DYSF: variants seen among roughly 807,000 people sequenced by gnomAD.
The protein encoded by DYSF is dysferlin, also known as dystrophy-associated fer-1-like 1.
In DYSF, 212 loss-of-function variants were observed where a neutral mutation model predicts 274.9. That is an observed-to-expected ratio of 0.77 (90% CI 0.69 to 0.86). The LOEUF is 0.86. DYSF is among the 40% of genes least tolerant of loss of function. The pLI is 0.00. For synonymous variants in DYSF, 1,091 were observed against 1,078.7 expected, an observed-to-expected ratio of 1.01 and a Z score of -0.22; for missense variants, 2,666 against 2,783.2, an observed-to-expected ratio of 0.96 and a Z score of 0.95.
chr2:71,660,576 A>G lies in DYSF; in HGVS notation c.4928A>G (p.Lys1643Arg), dbSNP rs1328232962. 6.8e-6 allele frequency: 11 copies of G among 1,613,986 alleles called. No individual in the cohort carries two copies. The highest frequency in any genetic ancestry group is 2.2e-5 in the East Asian group (1 of 44,898). Residue 1643 changes from lysine to arginine, a missense_variant, in exon 45 of 56, where the codon AAG becomes AGG. By Grantham distance (26) the Lys-to-Arg change is conservative. Around this residue, in one of 3 missense-constraint regions of DYSF, gnomAD observed 1,460 missense variants for 1,502.1 expected, o/e 0.97. Transcript: ENST00000410020. The part of the protein sequence containing the change: ...DPNGKCDPYI[K>R]ISIGKKSVSD... Reference sequence around the variant, plus strand: ...CTCCTCCAGTGTGATCCTTACATCAAGATCTCCATAGGGAAGAAATCAGTG... The same window carrying G: ...CTCCTCCAGTGTGATCCTTACATCAGGATCTCCATAGGGAAGAAATCAGTG...
chr2:71,637,677 G>A (rs934623904), intron 41 of DYSF, among the ~76,000 whole-genome samples: 1 of 152,196 alleles, frequency 6.6e-6, no homozygotes, highest in African/African-American at 2.4e-5. Flanking sequence ...GTGAAGTGGA[G>A]AAGAGCTGGA....
intron 30 of DYSF, among the ~76,000 whole-genome samples, chr2:71,583,326 C>G (rs2092958197): frequency 6.6e-6 from 1 of 152,192 alleles, no homozygotes; most frequent in African/African-American, 2.4e-5. Context: ...AACAGCCCTG[C>G]CACAGGTGCT....
chr2:71,640,769 G>GTT (rs2094474051), intron 41 of DYSF, among the ~76,000 whole-genome samples: 1 of 149,148 alleles, frequency 6.7e-6, no homozygotes, highest in Non-Finnish European at 1.5e-5. Context: ...GTGTGTGTGT[G>GTT]TTGCTTCGTC....
intron 14 of DYSF, among the ~76,000 whole-genome samples, chr2:71,532,191 G>A (rs555289219): frequency 6.2e-4 from 95 of 152,150 alleles, no homozygotes; most frequent in African/African-American, 2.2e-3. Context: ...CTATTTTTTG[G>A]ACATATATAA....
intron 36 of DYSF, 72 bp from the exon 37 acceptor site, chr2:71,611,172 GT>G: frequency 8.9e-7 from 1 of 1,118,036 alleles, no homozygotes; most frequent in Non-Finnish European, 1.4e-6. Flanking sequence ...TGTCCTATCT[GT>G]CCTTCTCTCT....
At chr2:71,587,851 G>A (rs2093124244) in intron 30 of DYSF, among the ~76,000 whole-genome samples, 1 of 152,200 alleles carries the variant, frequency 6.6e-6, no homozygotes, top group Non-Finnish European at 1.5e-5. Flanking sequence ...GGAAGTCAGA[G>A]CCCACCCAGG....
intron 40 of DYSF, among the ~76,000 whole-genome samples, chr2:71,616,782 A>T (rs972483219): frequency 1.3e-5 from 2 of 152,194 alleles, no homozygotes; most frequent in Admixed American, 6.5e-5. Context: ...CAAACACACA[A>T]TTTGAATGCA....
upstream of DYSF, among the ~76,000 whole-genome samples, chr2:71,462,260 C>T (rs72896808): frequency 0.027 from 4,043 of 152,248 alleles, 159 homozygotes; most frequent in African/African-American, 0.09. Context: ...GGGCAGGCAG[C>T]TCCAGGTGCT....
intron 3 of DYSF, among the ~76,000 whole-genome samples, chr2:71,491,596 G>A (rs2083860825): frequency 6.6e-6 from 1 of 152,126 alleles, no homozygotes; most frequent in Non-Finnish European, 1.5e-5. Context: ...GTCCCAGTGT[G>A]TGTCCTCCTC....
At chr2:71,468,465 G>A (rs774374756) in intron 1 of DYSF, among the ~76,000 whole-genome samples, 5 of 152,126 alleles carry the variant, frequency 3.3e-5, no homozygotes, top group Non-Finnish European at 2.9e-5. Flanking sequence ...CCCTTGAGTC[G>A]GGAAGATGAC....
intron 13 of DYSF, 65 bp downstream of exon 13, chr2:71,526,411 T>TGGTGGGGGG: frequency 6.5e-6 from 2 of 306,926 alleles, no homozygotes; most frequent in Middle Eastern, 9.4e-4. Context: ...CTGGTGGGGG[T>TGGTGGGGGG]GGGCGATGGC....
intron 40 of DYSF, among the ~76,000 whole-genome samples, chr2:71,620,301 C>T (rs2094064188): frequency 6.6e-6 from 1 of 152,226 alleles, no homozygotes; most frequent in Non-Finnish European, 1.5e-5. Flanking sequence ...TCACTGTCGC[C>T]CTGTGAGGTG....
In DYSF at chr2:71,656,409, A is replaced by G. The variant is rs914730881; in HGVS notation, c.4755+119A>G. ...CCCTGGTGCTGATGTTGGTGACCAC[A>G]TGGGTAATGGAGGTGGTGATGGTGA... On this transcript the variant is annotated intron_variant, in intron 43 of 55. Transcript: ENST00000410020. 7 of 1,418,794 alleles carry G rather than the reference A, an allele frequency of 4.9e-6. No individual in the cohort carries two copies. In the Admixed American group the frequency reaches 1.0e-4, roughly 20 times the overall value. The allele number at this position is 1,418,794 out of a possible 1,614,324, so 87.9% of individuals were successfully genotyped here. A position where few individuals can be genotyped will look rare whatever the true frequency, so the allele number is the denominator to read the frequency against.
rs972724057 is a variant in DYSF, at chr2:71,513,216, G to T, written c.461-24G>T. 8 of 1,551,206 alleles carry T rather than the reference G, an allele frequency of 5.2e-6. No homozygotes were observed. In the African/African-American group the frequency reaches 9.6e-5, roughly 19 times the overall value. The stretch of plus-strand genomic sequence containing the variant: ...CCCAACCTCCTCCCTCCCCTCCCGG[G>T]GTTATGCCCTGCCCACAAGACAGGC... On this transcript the variant is annotated intron_variant, in intron 5 of 55. Coordinates refer to ENST00000410020, the MANE Select transcript of DYSF (RefSeq NM_001130987.2).
Position 71,645,571 on chromosome 2 carries a change from T to C in DYSF, c.4626+1508T>C, listed in dbSNP as rs988302581. On this transcript the variant is annotated intron_variant, in intron 42 of 55. Coordinates refer to ENST00000410020, the MANE Select transcript of DYSF (RefSeq NM_001130987.2). ...GGTTTTTATAGGCACAGAATGGGGGTGTGGCAGGCCAGGATGGTCTTGGGA... is the reference window on the plus strand; with the variant it reads ...GGTTTTTATAGGCACAGAATGGGGGCGTGGCAGGCCAGGATGGTCTTGGGA... Among the ~76,000 whole-genome samples the C allele has an allele frequency of 1.1e-4, 17 of 151,398 alleles. No individual in the cohort carries two copies. The East Asian group carries it at 3.4e-3, about 30-fold the overall frequency.
Position 71,547,784 on chromosome 2 carries a change from G to T in DYSF, c.1577-3257G>T, listed in dbSNP as rs1370277768. ...GTCAGATGGCCGATGGGATTAGGGG[G>T]ACATCTGCATCTGGGCTGGACACCA... On this transcript the variant is annotated intron_variant, in intron 17 of 55. Coordinates refer to ENST00000410020, the MANE Select transcript of DYSF (RefSeq NM_001130987.2). 6.6e-5 allele frequency among the ~76,000 whole-genome samples: 10 copies of T among 152,186 alleles called. No individual in the cohort carries two copies. The East Asian group carries it at 1.9e-3, about 29-fold the overall frequency.
intron 42 of DYSF, among the ~76,000 whole-genome samples, chr2:71,655,928 T>C (rs969744059): frequency 2.0e-5 from 3 of 152,244 alleles, no homozygotes; most frequent in African/African-American, 7.2e-5. Context: ...CCTCTGTTCC[T>C]TTCTGGCTCC....
intron 29 of DYSF, among the ~76,000 whole-genome samples, chr2:71,572,327 C>T (rs1179125277): frequency 2.0e-5 from 3 of 150,104 alleles, no homozygotes; most frequent in South Asian, 2.1e-4. Context: ...AAATCACACC[C>T]AGCACACCCA....
intron 8 of DYSF, 138 bp from the exon 9 acceptor site, chr2:71,516,042 C>G (rs1312521516): frequency 4.1e-6 from 4 of 974,814 alleles, no homozygotes. Flanking sequence ...TTGTCCAATC[C>G]CCAGAACTGT....
Sources: gnomAD v4.1 joint callset for allele counts (sites outside exome capture counted in the v4.1 genomes callset) on GRCh38, gnomAD v4.1.1 for gene constraint, gnomAD v4.1.1 regional missense constraint, MANE v1.5 for transcripts, NCBI Gene and HGNC (gene_info 2026-07-23, HGNC 2026-07-21) for gene names.